The following MAP3K21 variants were observed in gnomAD, a reference collection of about 807,000 sequenced individuals.
MAP3K21 encodes mitogen-activated protein kinase kinase kinase 21.
In MAP3K21, 63 loss-of-function variants were observed where a neutral mutation model predicts 86.1. That is an observed-to-expected ratio of 0.73 (90% confidence interval 0.60 to 0.90). The LOEUF (loss-of-function observed/expected upper bound fraction) is 0.90, where lower values mean the gene tolerates loss of function less well. Among genes scored for constraint, MAP3K21 ranks in the 40% least tolerant of loss-of-function variants. The pLI is 0.00. For missense variants in MAP3K21, 1,220 were observed against 1,367.7 expected (o/e 0.89, Z 1.70); for synonymous variants, 558 against 564.8 (o/e 0.99, Z 0.17).
intron 5 of MAP3K21, among the ~76,000 whole-genome samples, chr1:233,366,132 C>G (rs927318492): frequency 6.6e-6 from 1 of 150,998 alleles, no homozygotes; most frequent in East Asian, 1.9e-4. Context: ...TATGTGGGAG[C>G]GAAAAAAATT....
chr1:233,371,852 G>T (rs534034305), intron 5 of MAP3K21, among the ~76,000 whole-genome samples, 186 bp from the exon 6 acceptor site: 2 of 150,960 alleles, frequency 1.3e-5, no homozygotes, highest in African/African-American at 4.9e-5. Flanking sequence ...CAACATATAA[G>T]CTCAGAATCA....
Position 233,372,074 on chromosome 1 carries a change from A to G in MAP3K21, c.1589A>G (p.Asn530Ser), listed in dbSNP as rs765907842. The change falls in exon 6 of 10, where the codon AAC (asparagine) becomes AGC (serine). Residue 530 changes from asparagine (N) to serine (S), a missense_variant. Transcript: ENST00000366624. The part of the protein sequence containing the change: ...QHKITVQASP[N>S]LDKRRSLNSS... ...AAGATAACCGTGCAGGCCTCTCCCA[A>G]CTTGGACAAACGGCGGAGCCTGAAC... The G allele has an allele frequency of 1.2e-6, 2 of 1,613,994 alleles. No homozygotes were observed. The highest frequency in any genetic ancestry group is 1.7e-6 in the Non-Finnish European group (2 of 1,179,952).
intron 1 of MAP3K21, among the ~76,000 whole-genome samples, chr1:233,339,195 T>TGTCTTC (rs1662969320): frequency 1.7e-5 from 2 of 115,372 alleles, no homozygotes; most frequent in Non-Finnish European, 1.9e-5. Flanking sequence ...AAAACAATCA[T>TGTCTTC]TTCTTCTTCT....
chr1:233,380,031 G>A (rs1359897302), intron 9 of MAP3K21, among the ~76,000 whole-genome samples: 1 of 152,242 alleles, frequency 6.6e-6, no homozygotes, highest in African/African-American at 2.4e-5. Context: ...CCACGGATGA[G>A]TGGGAGGGCT....
At chr1:233,368,538 C>T (rs542250337) in intron 5 of MAP3K21, among the ~76,000 whole-genome samples, 1 of 149,874 alleles carries the variant, frequency 6.7e-6, no homozygotes, top group South Asian at 2.1e-4. Context: ...GCCTGTAGTA[C>T]CAGCTACTCA....
intron 1 of MAP3K21, among the ~76,000 whole-genome samples, chr1:233,332,434 A>G (rs1408130029): frequency 1.3e-5 from 2 of 152,034 alleles, no homozygotes; most frequent in Non-Finnish European, 2.9e-5. Context: ...AGCCTTCCAT[A>G]TTGGAGGCCT....
In MAP3K21 at chr1:233,362,160, C is replaced by T. The variant is rs759303296; in HGVS notation, c.1419C>T (p.Asp473=). Residue 473 remains aspartate (D), a synonymous_variant, in exon 5 of 10, where the codon GAC becomes GAT. Coordinates refer to ENST00000366624, the MANE Select transcript of MAP3K21 (RefSeq NM_032435.3). ...REQQLAEREI[D]VLERELNILI... The stretch of plus-strand genomic sequence containing the variant: ...AGCAGCTGGCAGAGCGCGAGATCGA[C>T]GTGCTGGAGCGGGAACTTAACATTC... The T allele has an allele frequency of 2.5e-6, 4 of 1,614,186 alleles. No individual in the cohort carries two copies. The South Asian group carries it at 4.4e-5, about 18-fold the overall frequency.
chr1:233,365,596 T>A lies in MAP3K21; in HGVS notation c.1552+3303T>A, dbSNP rs184318961. Among the ~76,000 whole-genome samples the A allele has an allele frequency of 3.3e-3, 501 of 152,334 alleles. 2 individuals are homozygous for A. Among genetic ancestry groups the A allele is most frequent in the Non-Finnish European group, 5.9e-3 (401 of 68,022 alleles). On this transcript the variant is annotated intron_variant, in intron 5 of 9. Transcript: ENST00000366624. Reference sequence around the variant, plus strand: ...GTGAGCTAGCTCACCTTAGTTAGAATGGCTGTTATCAAAGAGACGAAAAAT... The same window carrying A: ...GTGAGCTAGCTCACCTTAGTTAGAAAGGCTGTTATCAAAGAGACGAAAAAT...
In MAP3K21 at chr1:233,342,756, C is replaced by T. The variant is rs1181119450; in HGVS notation, c.806-3686C>T. Reference sequence around the variant, plus strand: ...GGATAGGAAGAATGAAAGGTTATTTCAAATGGAAGTGGGTCTCTGATTTCC... The same window carrying T: ...GGATAGGAAGAATGAAAGGTTATTTTAAATGGAAGTGGGTCTCTGATTTCC... On this transcript the variant is annotated intron_variant, in intron 1 of 9. Transcript: ENST00000366624. Among the ~76,000 whole-genome samples, 3 of 152,066 alleles carry T rather than the reference C, an allele frequency of 2.0e-5. No homozygotes were observed. In the South Asian group the frequency reaches 6.2e-4, roughly 32 times the overall value.
chr1:233,379,414 C>T lies in MAP3K21; in HGVS notation c.2408C>T (p.Ser803Phe), dbSNP rs745464954. 6 of 1,614,120 alleles carry T rather than the reference C, an allele frequency of 3.7e-6. 1 individual carries two copies. The highest frequency in any genetic ancestry group is 8.5e-7 in the Non-Finnish European group (1 of 1,180,050). Reference sequence around the variant, plus strand: ...CTGTCAAGTGCCCTGGGCATCCTCTCCACACCTTCTTTCTCCACAAAGTGC... The same window carrying T: ...CTGTCAAGTGCCCTGGGCATCCTCTTCACACCTTCTTTCTCCACAAAGTGC... ...LPLSSALGILSTPSFSTKCLL... is the reference protein window; with the variant it reads ...LPLSSALGILFTPSFSTKCLL... Residue 803 changes from serine to phenylalanine, a missense_variant, in exon 9 of 10, where the codon TCC becomes TTC. Coordinates refer to ENST00000366624, the MANE Select transcript of MAP3K21 (RefSeq NM_032435.3).
At chr1:233,367,223 G>C (rs181760580) in intron 5 of MAP3K21, among the ~76,000 whole-genome samples, 1 of 152,330 alleles carries the variant, frequency 6.6e-6, no homozygotes, top group Admixed American at 6.5e-5. Context: ...ACAGGTATGC[G>C]AGTGAGTAGA....
intron 2 of MAP3K21, among the ~76,000 whole-genome samples, chr1:233,352,893 T>C (rs1444762271): frequency 6.6e-6 from 1 of 152,246 alleles, no homozygotes; most frequent in African/African-American, 2.4e-5. Flanking sequence ...ACTAAGGTAC[T>C]GACTTGGATA....
chr1:233,379,431 A>G lies in MAP3K21; in HGVS notation c.2425A>G (p.Thr809Ala). The change falls in exon 9 of 10, where the codon ACA (threonine) becomes GCA (alanine). Residue 809 changes from threonine to alanine, a missense_variant. Physicochemically the swap from Thr to Ala is moderately conservative, Grantham distance 58 (BLOSUM62 0). Coordinates refer to ENST00000366624, the MANE Select transcript of MAP3K21 (RefSeq NM_032435.3). ...LGILSTPSFS[T>A]KCLLQMDSED... is the part of the protein sequence containing the mutation. ...CATCCTCTCCACACCTTCTTTCTCC[A>G]CAAAGTGCCTGCTGCAGATGGACAG... is the stretch of plus-strand genomic sequence containing the variant. 3 of 1,614,168 alleles carry G rather than the reference A, an allele frequency of 1.9e-6. No individual in the cohort carries two copies. The highest frequency in any genetic ancestry group is 1.7e-6 in the Non-Finnish European group (2 of 1,180,022).
At chr1:233,343,679 C>T (rs1427251025) in intron 1 of MAP3K21, among the ~76,000 whole-genome samples, 1 of 152,192 alleles carries the variant, frequency 6.6e-6, no homozygotes, top group Non-Finnish European at 1.5e-5. Context: ...ACTGCTTGAG[C>T]TTCACTGCTC....
In MAP3K21 at chr1:233,375,899, A is replaced by G. The variant is rs760653430; in HGVS notation, c.1676-17A>G. The G allele has an allele frequency of 3.1e-6, 5 of 1,599,566 alleles. No individual in the cohort carries two copies. In the African/African-American group the frequency reaches 5.4e-5, roughly 17 times the overall value. ...TATGATTGTTGTGGTTAATATGGTT[A>G]ATAATGTTCTTTTTAGTGACTTCAG... On this transcript the variant is annotated splice_polypyrimidine_tract_variant and intron_variant, in intron 6 of 9. Coordinates refer to ENST00000366624, the MANE Select transcript of MAP3K21 (RefSeq NM_032435.3).
chr1:233,376,288 T>C (rs1663794623), intron 7 of MAP3K21, 142 bp from the exon 8 acceptor site: 1 of 733,586 alleles, frequency 1.4e-6, no homozygotes, highest in Non-Finnish European at 2.3e-6. Flanking sequence ...CAGGTATTAT[T>C]TGTACTTTGT....
chr1:233,330,663 T>C (rs1662793752), intron 1 of MAP3K21, among the ~76,000 whole-genome samples: 1 of 152,210 alleles, frequency 6.6e-6, no homozygotes, highest in Admixed American at 6.5e-5. Context: ...GAACCCAACA[T>C]TCTGCAAATG....
In MAP3K21 at chr1:233,353,819, G is replaced by A. The variant is rs1175376542; in HGVS notation, c.999G>A (p.Leu333=). Residue 333 remains leucine (L), a synonymous_variant, in exon 3 of 10, where the codon CTG becomes CTA. Transcript: ENST00000366624. ...KGSDIWSYGV[L]LWELLTGEVP... ...CCTTGCTTTCTAGCTATGGAGTGCT[G>A]CTGTGGGAACTGCTCACCGGAGAAG... 6.3e-7 allele frequency: 1 copy of A among 1,598,194 alleles called. No homozygotes were observed. Among genetic ancestry groups the A allele is most frequent in the East Asian group, 2.2e-5 (1 of 44,728 alleles).
At chr1:233,345,416 G>A (rs924399263) in intron 1 of MAP3K21, among the ~76,000 whole-genome samples, 46 of 152,108 alleles carry the variant, frequency 3.0e-4, no homozygotes, top group African/African-American at 1.1e-3. Context: ...AAAAGGATGA[G>A]TTCATGTCCT....
Sources: gnomAD v4.1 joint callset for allele counts (sites outside exome capture counted in the v4.1 genomes callset) on GRCh38, gnomAD v4.1.1 for gene constraint, MANE v1.5 for transcripts, NCBI Gene and HGNC (gene_info 2026-07-23, HGNC 2026-07-21) for gene names.